LMO3: variants seen among roughly 807,000 people sequenced by gnomAD.
LMO3 encodes the protein LIM domain only 3, also known as LIM domain only protein 3.
LMO3 carries 2 observed loss-of-function variants against 15.8 expected under a neutral mutation model. The ratio of observed to expected loss-of-function variants is 0.13; its 90% CI spans 0.05 to 0.40. The LOEUF (loss-of-function observed/expected upper bound fraction) is 0.40, where lower values mean the gene tolerates loss of function less well. Ranked by LOEUF, LMO3 falls within the 10% of genes least tolerant of loss-of-function variation. The pLI is 0.99. For missense variants in LMO3, 86 were observed against 182.2 expected, an observed-to-expected ratio of 0.47 and a Z score of 3.04; for synonymous variants, 62 against 63.8, an observed-to-expected ratio of 0.97 and a Z score of 0.13.
At position 16,591,038 on chromosome 12, in the gene LMO3, A is replaced by G. The variant is rs1943481423; in HGVS notation, c.206+9617T>C. On this transcript the variant is annotated intron_variant, in intron 2 of 3. Coordinates refer to ENST00000537304, the MANE Select transcript of LMO3 (RefSeq NM_018640.5). This position sits in a 1 kb window ranked among gnomAD's most constrained non-coding sequence, Gnocchi z 4.1. ...ATGAAATTGATTTCACAACTGCCTC[A>G]CTGAATAAGCTTTACAATGGTTTTC... Among the ~76,000 whole-genome samples, 1 of 152,054 alleles carries G rather than the reference A, an allele frequency of 6.6e-6. No individual in the cohort carries two copies. Among genetic ancestry groups the G allele is most frequent in the African/African-American group, 2.4e-5 (1 of 41,420 alleles).
rs1049603245 is a variant in LMO3 at position 16,550,665 on chromosome 12, C to CTG, written c.*555_*556dup. 53 of 152,330 alleles carry CTG rather than the reference C, an allele frequency of 3.5e-4. No individual in the cohort carries two copies. The highest frequency in any genetic ancestry group is 1.2e-3 in the African/African-American group (51 of 41,378). The allele number at this position is 152,330 out of a possible 1,614,324, so 9.4% of individuals were successfully genotyped here. On this transcript the variant is annotated 3_prime_UTR_variant, in exon 4 of 4. Transcript: ENST00000537304. The stretch of plus-strand genomic sequence containing the variant: ...AAGTAGTGGATGTCACTAAAATGCT[C>CTG]TGTGTGTGTCTTTATTTTTTAGTAT...
At chr12:16,578,217 T>C (rs754585305) in intron 2 of LMO3, among the ~76,000 whole-genome samples, 17 of 152,222 alleles carry the variant, frequency 1.1e-4, no homozygotes, top group Non-Finnish European at 2.2e-4. Flanking sequence ...ACTGCAATTT[T>C]CTCAAATTCA....
intron 2 of LMO3, 25 bp downstream of exon 2, chr12:16,600,630 A>G: frequency 1.3e-6 from 2 of 1,589,548 alleles, no homozygotes; most frequent in South Asian, 1.1e-5. Flanking sequence ...TCCAGTCATC[A>G]CTGGTGTGCA....
intron 2 of LMO3, among the ~76,000 whole-genome samples, chr12:16,590,539 C>G (rs551629997): frequency 8.0e-4 from 122 of 151,752 alleles, no homozygotes; most frequent in African/African-American, 2.9e-3. Flanking sequence ...TAGCGGACTT[C>G]AAGAGTAGAA....
chr12:16,581,715 A>G (rs1004829723), intron 2 of LMO3, among the ~76,000 whole-genome samples: 1 of 152,156 alleles, frequency 6.6e-6, no homozygotes, highest in Non-Finnish European at 1.5e-5. Context: ...GAACAGAAAA[A>G]TAGAGGACTT....
At chr12:16,594,936 C>G (rs1299389501) in intron 2 of LMO3, among the ~76,000 whole-genome samples, 1 of 151,450 alleles carries the variant, frequency 6.6e-6, no homozygotes, top group Non-Finnish European at 1.5e-5. Flanking sequence ...TTGATATAGT[C>G]TAAGAGCAAC....
intron 2 of LMO3, chr12:16,594,422 C>G (rs187253296): frequency 7.5e-6 from 4 of 530,284 alleles, no homozygotes; most frequent in Admixed American, 6.7e-5. Flanking sequence ...GCAAATTGAA[C>G]AGAGTATTGC....
intron 2 of LMO3, chr12:16,594,403 A>G: frequency 1.6e-6 from 1 of 627,508 alleles, no homozygotes; most frequent in Non-Finnish European, 2.5e-6. Flanking sequence ...AGTTTTATAA[A>G]AATACCTAGC....
In LMO3 at chr12:16,593,750, G is replaced by A. The variant is rs539058786; in HGVS notation, c.206+6905C>T. 4.0e-5 allele frequency among the ~76,000 whole-genome samples: 6 copies of A among 151,784 alleles called. No homozygotes were observed. The highest frequency in any genetic ancestry group is 2.6e-4 in the Admixed American group (4 of 15,224). ...TAATACTGATAATAAAGGGGGGAAA[G>A]GCATAAGCCAAAGGAATTGTTTTAA... On this transcript the variant is annotated intron_variant, in intron 2 of 3. Transcript: ENST00000537304. The surrounding 1 kb of genome is among the most constrained non-coding windows in gnomAD (Gnocchi z 4.2).
Position 16,551,104 on chromosome 12 carries a change from CT to C in LMO3, c.*117del. ...CCGCCTTTTATTCCATATAACCATCCTGCCTTCCTATATCTACGCTATTCAG... is the reference window on the plus strand; with the variant it reads ...CCGCCTTTTATTCCATATAACCATCCGCCTTCCTATATCTACGCTATTCAG... On this transcript the variant is annotated 3_prime_UTR_variant, in exon 4 of 4. Transcript: ENST00000537304. The C allele has an allele frequency of 1.5e-6, 1 of 668,824 alleles. No homozygotes were observed. Among genetic ancestry groups the C allele is most frequent in the Non-Finnish European group, 2.7e-6 (1 of 375,610 alleles). The allele number at this position is 668,824 out of a possible 1,614,324, so 41.4% of individuals were successfully genotyped here. A position where few individuals can be genotyped will look rare whatever the true frequency, so the allele number is the denominator to read the frequency against.
intron 1 of LMO3, chr12:16,605,179 G>A: frequency 2.2e-6 from 3 of 1,351,994 alleles, no homozygotes; most frequent in Non-Finnish European, 1.9e-6. Context: ...AACTCTGCCC[G>A]TAATCCTAAA....
intron 1 of LMO3, chr12:16,605,563 C>T: frequency 1.6e-6 from 1 of 622,460 alleles, no homozygotes; most frequent in South Asian, 2.2e-5. Flanking sequence ...GTAATATCAA[C>T]TCTTTAAGAA....
chr12:16,579,174 T>A (rs1008283426), intron 2 of LMO3, among the ~76,000 whole-genome samples: 41 of 152,070 alleles, frequency 2.7e-4, no homozygotes, highest in African/African-American at 9.7e-4. Flanking sequence ...CATTAAATTG[T>A]ATATATATAT....
Position 16,604,576 on chromosome 12 carries a change from T to C in LMO3, c.-9+1490A>G, listed in dbSNP as rs1055622388. 3.0e-6 allele frequency: 1 copy of C among 336,584 alleles called. No individual in the cohort carries two copies. Among genetic ancestry groups the C allele is most frequent in the Non-Finnish European group, 5.4e-6 (1 of 186,520 alleles). The allele number at this position is 336,584 out of a possible 1,614,324, so 20.8% of individuals were successfully genotyped here. A position where few individuals can be genotyped will look rare whatever the true frequency, so the allele number is the denominator to read the frequency against. On this transcript the variant is annotated intron_variant, in intron 1 of 3. Transcript: ENST00000537304. The surrounding 1 kb of genome is among the most constrained non-coding windows in gnomAD (Gnocchi z 5.3). ...TCACATGCAAAATAAAAAAAAAAAA[T>C]AAGAAACATACATACACTCTAACAA... is the stretch of plus-strand genomic sequence containing the variant.
chr12:16,585,175 T>C lies in LMO3; in HGVS notation c.206+15480A>G, dbSNP rs550239416. Among the ~76,000 whole-genome samples, 8 of 152,310 alleles carry C rather than the reference T, an allele frequency of 5.3e-5. No homozygotes were observed. In the South Asian group the frequency reaches 1.7e-3, roughly 32 times the overall value. ...AAGCCCCAGTTCACAACGTTATTTT[T>C]CCTTCCAGACTCCGGAACCTGGAGG... On this transcript the variant is annotated intron_variant, in intron 2 of 3. Transcript: ENST00000537304. This position sits in a 1 kb window ranked among gnomAD's most constrained non-coding sequence, Gnocchi z 4.7.
intron 2 of LMO3, chr12:16,594,104 AG>A (rs1238549128): frequency 6.5e-7 from 1 of 1,528,318 alleles, no homozygotes; most frequent in Non-Finnish European, 8.8e-7. Flanking sequence ...AGCTGGCGTC[AG>A]GTGTTTGAAT....
Position 16,599,356 on chromosome 12 carries a change from C to G in LMO3, c.206+1299G>C, listed in dbSNP as rs548982505. 2 of 152,080 alleles carry G rather than the reference C, an allele frequency of 1.3e-5. No individual in the cohort carries two copies. Among genetic ancestry groups the G allele is most frequent in the Non-Finnish European group, 2.9e-5 (2 of 68,026 alleles). 9.4% of individuals were successfully genotyped at this position (152,080 alleles called of 1,614,324 possible). A position where few individuals can be genotyped will look rare whatever the true frequency, so the allele number is the denominator to read the frequency against. ...CTGTCAGATGAGGCCGTCCTAAGAGCGAGAAGGAGTAGAATCTGATAAACA... is the reference window on the plus strand; with the variant it reads ...CTGTCAGATGAGGCCGTCCTAAGAGGGAGAAGGAGTAGAATCTGATAAACA... On this transcript the variant is annotated intron_variant, in intron 2 of 3. Transcript: ENST00000537304. The surrounding 1 kb of genome is among the most constrained non-coding windows in gnomAD (Gnocchi z 4.1).
intron 1 of LMO3, chr12:16,605,073 G>A: frequency 2.0e-6 from 3 of 1,473,308 alleles, no homozygotes; most frequent in Non-Finnish European, 2.7e-6. Context: ...AGGGGGTGGG[G>A]GAAGGGATGA....
At chr12:16,564,667 C>T (rs1250100571) in intron 2 of LMO3, among the ~76,000 whole-genome samples, 1 of 152,140 alleles carries the variant, frequency 6.6e-6, no homozygotes, top group African/African-American at 2.4e-5. Flanking sequence ...TAGTATTTGA[C>T]TCAAAGTAAT....
Sources: gnomAD v4.1 joint callset for allele counts (sites outside exome capture counted in the v4.1 genomes callset) on GRCh38, gnomAD v4.1.1 for gene constraint, Gnocchi (gnomAD v3.1) non-coding constraint, MANE v1.5 for transcripts, NCBI Gene and HGNC (gene_info 2026-07-23, HGNC 2026-07-21) for gene names.